MAP3K8: variants seen among roughly 807,000 people sequenced by gnomAD.
MAP3K8 encodes the protein Ewing sarcoma transformant.
In MAP3K8, 22 loss-of-function variants were observed where a neutral mutation model predicts 45.8. The ratio of observed to expected loss-of-function variants is 0.48; its 90% CI spans 0.34 to 0.69. MAP3K8 has a LOEUF of 0.69. Ranked by LOEUF, MAP3K8 falls within the 30% of genes least tolerant of loss-of-function variation. The pLI is 0.01. For missense variants in MAP3K8, 419 were observed against 585.0 expected, an observed-to-expected ratio of 0.72 and a Z score of 2.93; for synonymous variants, 223 against 214.3, an observed-to-expected ratio of 1.04 and a Z score of -0.36.
chr10:30,454,457 A>G (rs1836666980), intron 6 of MAP3K8, among the ~76,000 whole-genome samples: 1 of 152,066 alleles, frequency 6.6e-6, no homozygotes, highest in South Asian at 2.1e-4. Flanking sequence ...AGTCCCAGCT[A>G]CTCAAGAGAC....
Position 30,442,168 on chromosome 10 carries a change from G to A in MAP3K8, c.336+2894G>A, listed in dbSNP as rs188626498. Among the ~76,000 whole-genome samples, 247 of 152,372 alleles carry A rather than the reference G, an allele frequency of 1.6e-3. 1 individual carries two copies. Among genetic ancestry groups the A allele is most frequent in the Non-Finnish European group, 7.5e-4 (51 of 68,030 alleles). On this transcript the variant is annotated intron_variant, in intron 3 of 8. Transcript: ENST00000263056. The stretch of plus-strand genomic sequence containing the variant: ...GGGAGCTTGCTGCCTGGTGCATGCA[G>A]GATGCAGTTGAATAGGCAGTTATAG...
intron 3 of MAP3K8, 180 bp downstream of exon 3, chr10:30,439,454 A>T: frequency 8.3e-7 from 1 of 1,207,968 alleles, no homozygotes; most frequent in Non-Finnish European, 1.1e-6. Flanking sequence ...TCTTCATTAA[A>T]ATTTCTATTT....
chr10:30,439,610 G>A, intron 3 of MAP3K8: 3 of 391,706 alleles, frequency 7.7e-6, no homozygotes, highest in Non-Finnish European at 1.4e-5. Context: ...AGCAATTAGA[G>A]ACCAGTCTGG....
At position 30,447,805 on chromosome 10, in the gene MAP3K8, T is replaced by C. The variant is rs752886098; in HGVS notation, c.360T>C (p.Arg120=). 71 of 1,613,774 alleles carry C rather than the reference T, an allele frequency of 4.4e-5. 1 individual carries two copies. In the South Asian group the frequency reaches 6.7e-4, roughly 15 times the overall value. ...LNMVITPQNG[R]YQIDSDVLLI... ...AGGTCATCACTCCCCAAAATGGACG[T>C]TACCAAATAGATTCCGATGTTCTCC... The change falls in exon 4 of 9, where the codon CGT becomes CGC. Residue 120 remains arginine (R), a synonymous_variant. Coordinates refer to ENST00000263056, the MANE Select transcript of MAP3K8 (RefSeq NM_005204.4).
chr10:30,439,574 C>G (rs1836030118), intron 3 of MAP3K8: 2 of 510,408 alleles, frequency 3.9e-6, no homozygotes, highest in Non-Finnish European at 6.7e-6. Flanking sequence ...CTTGGAGAGG[C>G]CGAGGTGGGT....
rs749612575 is a variant in MAP3K8, at chr10:30,460,877, C to T, written c.*41C>T. On this transcript the variant is annotated 3_prime_UTR_variant, in exon 9 of 9. Coordinates refer to ENST00000263056, the MANE Select transcript of MAP3K8 (RefSeq NM_005204.4). ...CTCTAAATTAAGACAGCATTGATCT[C>T]CTGGAGGCTGGTTCTGCTGCCTCTA... 1.2e-6 allele frequency: 2 copies of T among 1,607,994 alleles called. No individual in the cohort carries two copies. Among genetic ancestry groups the T allele is most frequent in the South Asian group, 1.1e-5 (1 of 90,806 alleles).
chr10:30,460,661 T>C, intron 8 of MAP3K8, 45 bp from the exon 9 acceptor site: 1 of 1,521,310 alleles, frequency 6.6e-7, no homozygotes, highest in East Asian at 2.3e-5. Flanking sequence ...ATTTATCATT[T>C]GACACGTTTT....
rs192919053 is a variant in MAP3K8 at position 30,448,502 on chromosome 10, G to A, written c.504+553G>A. ...GGCTGGAGTGCAGTGTCGGGGTCTC[G>A]GCTCACTGCAACCTCTACCTCCTGG... On this transcript the variant is annotated intron_variant, in intron 4 of 8. Coordinates refer to ENST00000263056, the MANE Select transcript of MAP3K8 (RefSeq NM_005204.4). Among the ~76,000 whole-genome samples the A allele has an allele frequency of 4.4e-4, 66 of 151,054 alleles. 1 individual carries two copies. The highest frequency in any genetic ancestry group is 1.1e-3 in the African/African-American group (47 of 41,126).
chr10:30,459,153 G>GGTGGAAAACGGATTACTTTCTAGGTCCT, intron 7 of MAP3K8, 102 bp from the exon 8 acceptor site: 1 of 1,258,894 alleles, frequency 7.9e-7, no homozygotes, highest in South Asian at 1.3e-5. Context: ...CAGGGCATGT[G>GGTGGAAAACGGATTACTTTCTAGGTCCT]GTGGAAAACG....
Position 30,452,115 on chromosome 10 carries a change from A to G in MAP3K8, c.873+371A>G, listed in dbSNP as rs573188243. On this transcript the variant is annotated intron_variant, in intron 6 of 8. Transcript: ENST00000263056. ...TTGGGAGGCTGGGGTGGGAGGATCAATTGAGCCCAGGACTTTGAGACAAGC... is the reference window on the plus strand; with the variant it reads ...TTGGGAGGCTGGGGTGGGAGGATCAGTTGAGCCCAGGACTTTGAGACAAGC... Among the ~76,000 whole-genome samples, 25 of 151,622 alleles carry G rather than the reference A, an allele frequency of 1.6e-4. 1 individual carries two copies. Among genetic ancestry groups the G allele is most frequent in the South Asian group, 4.2e-4 (2 of 4,762 alleles).
chr10:30,435,920 G>T (rs1835896733), intron 1 of MAP3K8, among the ~76,000 whole-genome samples: 2 of 152,192 alleles, frequency 1.3e-5, no homozygotes, highest in African/African-American at 4.8e-5. Flanking sequence ...CTGTTATGCT[G>T]GCCATTTTCA....
In MAP3K8 at chr10:30,460,804, G is replaced by A; in HGVS notation, c.1372G>A (p.Val458Ile). ...CGCTCTGGCTGGCTACTTCAATCTTGTTCGGGGACCACCAACGCTTGAATA... is the reference window on the plus strand; with the variant it reads ...CGCTCTGGCTGGCTACTTCAATCTTATTCGGGGACCACCAACGCTTGAATA... ...LGALAGYFNL[V>I]RGPPTLEYG Residue 458 changes from valine (V) to isoleucine (I), a missense_variant, in exon 9 of 9, where the codon GTT (valine) becomes ATT (isoleucine). Around this residue, in one of 3 missense-constraint regions of MAP3K8, gnomAD observed 108 missense variants for 124.2 expected, o/e 0.87. Transcript: ENST00000263056. The A allele has an allele frequency of 6.2e-7, 1 of 1,613,864 alleles. No individual in the cohort carries two copies. Among genetic ancestry groups the A allele is most frequent in the South Asian group, 1.1e-5 (1 of 91,074 alleles).
chr10:30,436,346 T>G (rs1835907272), intron 1 of MAP3K8, among the ~76,000 whole-genome samples: 1 of 152,150 alleles, frequency 6.6e-6, no homozygotes, highest in African/African-American at 2.4e-5. Context: ...GGCGAACTGG[T>G]CAGCAGGGTT....
At chr10:30,447,058 A>C (rs1318526718) in intron 3 of MAP3K8, among the ~76,000 whole-genome samples, 1 of 152,112 alleles carries the variant, frequency 6.6e-6, no homozygotes, top group African/African-American at 2.4e-5. Flanking sequence ...GCTGTCTCTC[A>C]ATTTTTGAAT....
In MAP3K8 at chr10:30,459,660, G is replaced by GT. The variant is rs758260441; in HGVS notation, c.1273+170dup. Among the ~76,000 whole-genome samples the GT allele has an allele frequency of 0.038, 5,599 of 147,832 alleles. 171 individuals are homozygous for GT. The highest frequency in any genetic ancestry group is 0.051 in the Non-Finnish European group (3,394 of 66,604). ...ATTTCAGCAAGATTAGCAGAAGCAT[G>GT]TTTTTTTTTTTAAATTGGCTAATTT... On this transcript the variant is annotated intron_variant, in intron 8 of 8. Transcript: ENST00000263056.
At chr10:30,458,274 G>C in intron 7 of MAP3K8, 38 bp downstream of exon 7, 4 of 1,364,392 alleles carry the variant, frequency 2.9e-6, no homozygotes, top group African/African-American at 1.5e-5. Flanking sequence ...GCGGCGGGGG[G>C]GGGCGTTGAG....
intron 3 of MAP3K8, among the ~76,000 whole-genome samples, chr10:30,440,852 AAT>A (rs1185150608): frequency 6.6e-6 from 1 of 152,192 alleles, no homozygotes; most frequent in Non-Finnish European, 1.5e-5. Flanking sequence ...TTTAAATGAA[AAT>A]ATGCAGAAAA....
At chr10:30,451,406 A>G (rs916397740) in intron 5 of MAP3K8, among the ~76,000 whole-genome samples, 1 of 152,188 alleles carries the variant, frequency 6.6e-6, no homozygotes, top group African/African-American at 2.4e-5. Flanking sequence ...GAACATTATT[A>G]ATGGCTACAA....
chr10:30,438,325 G>A (rs1835979454), intron 2 of MAP3K8, among the ~76,000 whole-genome samples: 1 of 152,190 alleles, frequency 6.6e-6, no homozygotes, highest in Non-Finnish European at 1.5e-5. Flanking sequence ...TAACTCATTT[G>A]CATAAGAATC....
Sources: gnomAD v4.1 joint callset for allele counts (sites outside exome capture counted in the v4.1 genomes callset) on GRCh38, gnomAD v4.1.1 for gene constraint, gnomAD v4.1.1 regional missense constraint, MANE v1.5 for transcripts, NCBI Gene and HGNC (gene_info 2026-07-23, HGNC 2026-07-21) for gene names.